Variants in DMRT1 observed in about 807,000 individuals in gnomAD.
DMRT1 encodes doublesex and mab-3 related transcription factor 1.
DMRT1 carries 7 observed loss-of-function variants against 32.3 expected under a neutral mutation model. The observed-to-expected ratio is 0.22, with a 90% CI of 0.12 to 0.41. DMRT1 has a LOEUF of 0.41. Ranked by LOEUF, DMRT1 falls within the 10% of genes least tolerant of loss-of-function variation. DMRT1 has a pLI of 1.00. For synonymous variants in DMRT1, 278 were observed against 206.1 expected (o/e 1.35, Z -2.99); for missense variants, 625 against 500.5 (o/e 1.25, Z -2.37).
chr9:932,884 G>A (rs1818771136), intron 4 of DMRT1, among the ~76,000 whole-genome samples: 2 of 151,922 alleles, frequency 1.3e-5, no homozygotes, highest in Admixed American at 6.6e-5. Context: ...CATGGGGCGC[G>A]GTATCTCCGT....
intron 4 of DMRT1, among the ~76,000 whole-genome samples, chr9:946,861 T>C (rs1321097906): frequency 6.6e-6 from 1 of 152,086 alleles, no homozygotes; most frequent in African/African-American, 2.4e-5. Flanking sequence ...GTCTGCAAGT[T>C]TACACTGGCA....
intron 2 of DMRT1, among the ~76,000 whole-genome samples, chr9:875,776 GTA>G (rs1816474402): frequency 6.6e-6 from 1 of 152,134 alleles, no homozygotes; most frequent in African/African-American, 2.4e-5. Context: ...GTGTATGTAT[GTA>G]TGTATGTGTA....
At chr9:909,590 A>G (rs1283137760) in intron 3 of DMRT1, among the ~76,000 whole-genome samples, 4 of 152,220 alleles carry the variant, frequency 2.6e-5, no homozygotes, top group Non-Finnish European at 2.9e-5. Flanking sequence ...CCAGAATTCT[A>G]CAGCCTGTGA....
In DMRT1 at chr9:841,828, C is replaced by A. The variant is rs754699949; in HGVS notation, c.-11C>A. The A allele has an allele frequency of 6.2e-7, 1 of 1,606,638 alleles. No homozygotes were observed. Among genetic ancestry groups the A allele is most frequent in the Non-Finnish European group, 8.5e-7 (1 of 1,177,020 alleles). ...GGGGGCCAGAGTGCTCGCACTTCTC[C>A]TAGGGGCACCATGCCCAACGACGAG... On this transcript the variant is annotated 5_prime_UTR_variant, in exon 1 of 5. Coordinates refer to ENST00000382276, the MANE Select transcript of DMRT1 (RefSeq NM_021951.3).
chr9:903,856 G>A (rs1180350852), intron 3 of DMRT1, among the ~76,000 whole-genome samples: 1 of 152,190 alleles, frequency 6.6e-6, no homozygotes, highest in South Asian at 2.1e-4. Flanking sequence ...CAGTCTGGTT[G>A]AAGTGGTCCA....
At chr9:925,715 A>G (rs1185318455) in intron 4 of DMRT1, among the ~76,000 whole-genome samples, 1 of 152,182 alleles carries the variant, frequency 6.6e-6, no homozygotes, top group East Asian at 1.9e-4. Context: ...TCTGTAAGAC[A>G]ATATCTGACC....
At chr9:952,158 G>C (rs1819448267) in intron 4 of DMRT1, among the ~76,000 whole-genome samples, 1 of 152,172 alleles carries the variant, frequency 6.6e-6, no homozygotes, top group Non-Finnish European at 1.5e-5. Context: ...TGAGAACAGA[G>C]CCTTGTTTCA....
chr9:957,049 C>T (rs2129980373), intron 4 of DMRT1, among the ~76,000 whole-genome samples: 1 of 152,300 alleles, frequency 6.6e-6, no homozygotes, highest in Admixed American at 6.5e-5. Flanking sequence ...GATCCTGTCA[C>T]CCAGGTACTG....
chr9:893,453 C>G (rs55714436), intron 2 of DMRT1, among the ~76,000 whole-genome samples: 11,550 of 152,302 alleles, frequency 0.076, 938 homozygotes, highest in African/African-American at 0.21. Context: ...TACCTGATCA[C>G]CTGTGGAAGG....
At chr9:901,427 A>G (rs1817569928) in intron 3 of DMRT1, among the ~76,000 whole-genome samples, 1 of 151,978 alleles carries the variant, frequency 6.6e-6, no homozygotes, top group South Asian at 2.1e-4. Flanking sequence ...CCCGGGTTCA[A>G]GCGATTCTCC....
intron 2 of DMRT1, among the ~76,000 whole-genome samples, chr9:853,748 G>A (rs1380561682): frequency 4.0e-5 from 6 of 151,590 alleles, no homozygotes; most frequent in Admixed American, 2.0e-4. Context: ...CAGGTGCTCC[G>A]CCTGCCTCGG....
chr9:909,708 GT>G (rs1817904536), intron 3 of DMRT1, among the ~76,000 whole-genome samples: 1 of 62,654 alleles, frequency 1.6e-5, no homozygotes, highest in African/African-American at 7.7e-5. Context: ...TACCAAGGGA[GT>G]TTTTTTGTTT....
At chr9:950,430 T>G (rs541427484) in intron 4 of DMRT1, among the ~76,000 whole-genome samples, 1 of 152,148 alleles carries the variant, frequency 6.6e-6, no homozygotes, top group South Asian at 2.1e-4. Context: ...GAGTACAAAT[T>G]CTGGCTCTGA....
At chr9:929,706 GT>G (rs1818645385) in intron 4 of DMRT1, among the ~76,000 whole-genome samples, 2 of 151,962 alleles carry the variant, frequency 1.3e-5, no homozygotes, top group Non-Finnish European at 2.9e-5. Context: ...TTGTTCCGTT[GT>G]CCCCCTGTTT....
intron 2 of DMRT1, among the ~76,000 whole-genome samples, chr9:866,508 A>C (rs981721161): frequency 1.8e-5 from 2 of 113,452 alleles, no homozygotes; most frequent in Admixed American, 2.2e-4. Context: ...TAGTTTCAGA[A>C]GTTTTCCTTC....
chr9:841,846 A>C lies in DMRT1; in HGVS notation c.8A>C (p.Asn3Thr). MP[N>T]DEAFSKPSTP... ...ACTTCTCCTAGGGGCACCATGCCCA[A>C]CGACGAGGCATTCAGCAAGCCCTCT... is the stretch of plus-strand genomic sequence containing the variant. Residue 3 changes from asparagine (N) to threonine (T), a missense_variant, in exon 1 of 5, where the codon AAC becomes ACC. Transcript: ENST00000382276. The C allele has an allele frequency of 6.2e-7, 1 of 1,611,744 alleles. No individual in the cohort carries two copies. Among genetic ancestry groups the C allele is most frequent in the Admixed American group, 1.7e-5 (1 of 59,844 alleles).
chr9:883,744 A>G (rs1406643449), intron 2 of DMRT1, among the ~76,000 whole-genome samples: 2 of 151,666 alleles, frequency 1.3e-5, no homozygotes, highest in African/African-American at 2.4e-5. Context: ...GTGAGCCATG[A>G]TCACACCACT....
chr9:942,368 G>A (rs1819103605), intron 4 of DMRT1, among the ~76,000 whole-genome samples: 1 of 152,178 alleles, frequency 6.6e-6, no homozygotes, highest in Non-Finnish European at 1.5e-5. Flanking sequence ...CAACCTCGCA[G>A]GTTTAGTTCA....
intron 2 of DMRT1, among the ~76,000 whole-genome samples, chr9:889,061 C>G (rs1817042965): frequency 6.6e-6 from 1 of 151,950 alleles, no homozygotes; most frequent in Non-Finnish European, 1.5e-5. Context: ...GTGGTGGGGC[C>G]CAAGAATTTG....
Sources: gnomAD v4.1 joint callset for allele counts (sites outside exome capture counted in the v4.1 genomes callset) on GRCh38, gnomAD v4.1.1 for gene constraint, MANE v1.5 for transcripts, NCBI Gene and HGNC (gene_info 2026-07-23, HGNC 2026-07-21) for gene names.